Variants in ANO2 observed in about 807,000 individuals in gnomAD.
The protein encoded by ANO2 is anoctamin-2.
In ANO2, 101 loss-of-function variants were observed where a neutral mutation model predicts 124.2. That is an observed-to-expected ratio of 0.81 (90% CI 0.69 to 0.96). The LOEUF (loss-of-function observed/expected upper bound fraction) is 0.96, where lower values mean the gene tolerates loss of function less well. Among genes scored for constraint, ANO2 ranks in the 40% least tolerant of loss-of-function variants. The pLI is 0.00. For synonymous variants in ANO2, 486 were observed against 482.5 expected (o/e 1.01, Z -0.09); for missense variants, 1,293 against 1,274.5 (o/e 1.01, Z -0.22).
Position 5,634,936 on chromosome 12 carries a change from G to C in ANO2, c.1816+216C>G, listed in dbSNP as rs1283615012. 3.3e-5 allele frequency among the ~76,000 whole-genome samples: 5 copies of C among 152,194 alleles called. No individual in the cohort carries two copies. In the East Asian group the frequency reaches 9.6e-4, roughly 29 times the overall value. ...GCAATCAACACAGGCCAGAGGACTTGATCAAGAACATTACAGGAAGGATTC... is the reference window on the plus strand; with the variant it reads ...GCAATCAACACAGGCCAGAGGACTTCATCAAGAACATTACAGGAAGGATTC... On this transcript the variant is annotated intron_variant, in intron 16 of 24. Coordinates refer to ENST00000682330, the MANE Select transcript of ANO2 (RefSeq NM_001364791.2).
chr12:5,936,645 T>C (rs1942664448), intron 1 of ANO2, among the ~76,000 whole-genome samples: 1 of 152,248 alleles, frequency 6.6e-6, no homozygotes, highest in African/African-American at 2.4e-5. Flanking sequence ...GGCATTTTGT[T>C]AGAGTGAGCA....
intron 14 of ANO2, among the ~76,000 whole-genome samples, chr12:5,698,128 G>C (rs1360489540): frequency 6.6e-6 from 1 of 152,228 alleles, no homozygotes; most frequent in Non-Finnish European, 1.5e-5. Flanking sequence ...TTTGAGATCT[G>C]AGAACAGACA....
At chr12:5,699,353 G>A (rs1949314219) in intron 14 of ANO2, among the ~76,000 whole-genome samples, 1 of 152,050 alleles carries the variant, frequency 6.6e-6, no homozygotes, top group South Asian at 2.1e-4. Flanking sequence ...AGCTTCATAA[G>A]GGAAGGAGAC....
chr12:5,856,692 A>G (rs1205920152), intron 3 of ANO2: 1 of 152,230 alleles, frequency 6.6e-6, no homozygotes, highest in African/African-American at 2.4e-5. Context: ...CAGAAACAGC[A>G]AAGTGTCAAG....
chr12:5,795,880 A>G (rs965999528), intron 10 of ANO2, among the ~76,000 whole-genome samples: 3 of 152,160 alleles, frequency 2.0e-5, no homozygotes, highest in Non-Finnish European at 4.4e-5. Context: ...GCATTGAACC[A>G]GAGAAGTGCA....
At chr12:5,924,539 G>A (rs1001177702) in intron 1 of ANO2, among the ~76,000 whole-genome samples, 4 of 152,148 alleles carry the variant, frequency 2.6e-5, no homozygotes, top group African/African-American at 9.7e-5. Flanking sequence ...ACACCTTGTG[G>A]GAGGAAAATG....
At position 5,827,815 on chromosome 12, in the gene ANO2, G is replaced by C. The variant is rs557197006; in HGVS notation, c.846C>G (p.His282Gln). Residue 282 changes from histidine (H) to glutamine (Q), a missense_variant, in exon 7 of 25, where the codon CAC (histidine) becomes CAG (glutamine). His to Gln is a conservative substitution (Grantham distance 24). Transcript: ENST00000682330. ...FDNATRSRIVHEILKRTACSR... is the reference protein window; with the variant it reads ...FDNATRSRIVQEILKRTACSR... ...AGCAGGCTGTGCGCTTCAGGATCTC[G>C]TGCACCTAAAAGGGGACGACAGCAG... 6.2e-7 allele frequency: 1 copy of C among 1,610,960 alleles called. No homozygotes were observed. The highest frequency in any genetic ancestry group is 8.5e-7 in the Non-Finnish European group (1 of 1,178,812).
chr12:5,757,974 A>G (rs916739228), intron 10 of ANO2, among the ~76,000 whole-genome samples: 2 of 152,194 alleles, frequency 1.3e-5, no homozygotes, highest in African/African-American at 4.8e-5. Context: ...TAGACCTCAT[A>G]AGGAAGATAA....
intron 1 of ANO2, among the ~76,000 whole-genome samples, chr12:5,937,607 A>T (rs1463909679): frequency 6.6e-6 from 1 of 152,076 alleles, no homozygotes; most frequent in Non-Finnish European, 1.5e-5. Flanking sequence ...GGACATTGTG[A>T]ATGATAAAAC....
intron 2 of ANO2, 30 bp downstream of exon 2, chr12:5,922,589 TC>T: frequency 9.0e-6 from 13 of 1,449,694 alleles, no homozygotes; most frequent in East Asian, 2.7e-5. Context: ...GGCTGGCCTA[TC>T]CCCCCACCCC....
At chr12:5,873,196 GCTCTCTCTCTCTCTCTCTCT>G (rs57038931) in intron 3 of ANO2, among the ~76,000 whole-genome samples, 47,620 of 119,196 alleles carry the variant, frequency 0.4, 9,864 homozygotes, top group South Asian at 0.62. Flanking sequence ...GCCTAAAGCA[GCTCTCTCTCTCTCTCTCTCT>G]CTCTCTCTCT....
rs73255120 is a variant in ANO2, at chr12:5,811,725, C to A, written c.893-4357G>T. ...CAATAGTAAAGTCAACTCCCAGGGC[C>A]CTGACAATTGACCTTAGGAAAGATG... On this transcript the variant is annotated intron_variant, in intron 7 of 24. Transcript: ENST00000682330. 2.9e-3 allele frequency among the ~76,000 whole-genome samples: 434 copies of A among 152,204 alleles called. 1 individual carries two copies. The highest frequency in any genetic ancestry group is 0.014 in the Middle Eastern group (4 of 294).
chr12:5,626,049 G>A (rs916177695), intron 16 of ANO2, among the ~76,000 whole-genome samples: 25 of 152,152 alleles, frequency 1.6e-4, no homozygotes, highest in African/African-American at 5.6e-4. Context: ...TTGCACATTT[G>A]TTTCCACTTC....
intron 10 of ANO2, among the ~76,000 whole-genome samples, chr12:5,773,147 G>C (rs776590902): frequency 6.6e-6 from 1 of 152,306 alleles, no homozygotes; most frequent in South Asian, 2.1e-4. Flanking sequence ...CACCAGCTCC[G>C]GCTACAGCCC....
intron 11 of ANO2, among the ~76,000 whole-genome samples, chr12:5,750,213 G>A (rs1367357599): frequency 6.6e-6 from 1 of 152,116 alleles, no homozygotes; most frequent in Non-Finnish European, 1.5e-5. Flanking sequence ...GGGATTACAG[G>A]TGTGAGCCAC....
rs1942031812 is a variant in ANO2 at position 5,925,335 on chromosome 12, C to T, written c.23-2531G>A. On this transcript the variant is annotated intron_variant, in intron 1 of 24. Transcript: ENST00000682330. This position sits in a 1 kb window ranked among gnomAD's most constrained non-coding sequence, Gnocchi z 4.6. ...GTTTGAGGCTGACATTCAGGGCCCTCACTAGCCATCGCAGTTGCTCCCCCG... is the reference window on the plus strand; with the variant it reads ...GTTTGAGGCTGACATTCAGGGCCCTTACTAGCCATCGCAGTTGCTCCCCCG... 6.6e-6 allele frequency among the ~76,000 whole-genome samples: 1 copy of T among 152,220 alleles called. No individual in the cohort carries two copies. The highest frequency in any genetic ancestry group is 6.5e-5 in the Admixed American group (1 of 15,286).
At chr12:5,672,727 A>G (rs556630755) in intron 14 of ANO2, among the ~76,000 whole-genome samples, 1 of 152,362 alleles carries the variant, frequency 6.6e-6, no homozygotes, top group East Asian at 1.9e-4. Context: ...GTGACCTGGC[A>G]CTGAGGAATA....
intron 4 of ANO2, among the ~76,000 whole-genome samples, chr12:5,851,126 C>T (rs1235100580): frequency 6.6e-6 from 1 of 152,106 alleles, no homozygotes; most frequent in Non-Finnish European, 1.5e-5. Flanking sequence ...CCAGAGATGG[C>T]TGCTTTATAC....
At chr12:5,630,730 A>C (rs567191681) in intron 16 of ANO2, among the ~76,000 whole-genome samples, 2 of 152,384 alleles carry the variant, frequency 1.3e-5, no homozygotes, top group South Asian at 4.1e-4. Flanking sequence ...GCCATGGGCC[A>C]GGCACTGCGC....
Sources: gnomAD v4.1 joint callset for allele counts (sites outside exome capture counted in the v4.1 genomes callset) on GRCh38, gnomAD v4.1.1 for gene constraint, Gnocchi (gnomAD v3.1) non-coding constraint, MANE v1.5 for transcripts, NCBI Gene and HGNC (gene_info 2026-07-23, HGNC 2026-07-21) for gene names.